The following CBR4 variants were observed in gnomAD, a reference collection of about 807,000 sequenced individuals.
The protein encoded by CBR4 is 3-oxoacyl-[acyl-carrier-protein] reductase.
In CBR4, 22 loss-of-function variants were observed where a neutral mutation model predicts 21.0. The ratio of observed to expected loss-of-function variants is 1.05; its 90% CI spans 0.75 to 1.50. The LOEUF is 1.50. Among genes scored for constraint, CBR4 ranks in the 40% most tolerant of loss-of-function variants. The pLI is 0.00. For synonymous variants in CBR4, 100 were observed against 104.4 expected (o/e 0.96, Z 0.26); for missense variants, 302 against 286.3 (o/e 1.05, Z -0.40).
At position 168,973,608 on chromosome 4, in the gene CBR4, G is replaced by A. The variant is rs143617098; in HGVS notation, n.169+28463C>T. ...CTCCCAAAGTGCTGGGATTACAGGC[G>A]TGAGCCACCACACCCAGCCCCAATT... is the stretch of plus-strand genomic sequence containing the variant. On this transcript the variant is annotated intron_variant and non_coding_transcript_variant, in intron 2 of 3. Transcript: ENST00000509108. 8.5e-3 allele frequency among the ~76,000 whole-genome samples: 1,302 copies of A among 152,316 alleles called. 9 individuals are homozygous for A. The highest frequency in any genetic ancestry group is 0.018 in the African/African-American group (766 of 41,560).
At chr4:168,925,543 C>CT in intron 2 of CBR4, 1 of 479,340 alleles carries the variant, frequency 2.1e-6, no homozygotes, top group Non-Finnish European at 3.8e-6. Flanking sequence ...TGGCTTAGTG[C>CT]TTTTCTCATT....
At chr4:168,896,244 C>T (rs560363340) in intron 2 of CBR4, among the ~76,000 whole-genome samples, 51 of 150,392 alleles carry the variant, frequency 3.4e-4, no homozygotes, top group African/African-American at 1.2e-3. Flanking sequence ...ATACACCTAA[C>T]CTACTGAACA....
chr4:168,930,301 A>G (rs576594581), intron 2 of CBR4, among the ~76,000 whole-genome samples: 1 of 152,344 alleles, frequency 6.6e-6, no homozygotes, highest in Non-Finnish European at 1.5e-5. Flanking sequence ...ATGGCACCAA[A>G]AAAATTAAGA....
chr4:169,007,442 C>T (rs897138611), intron 2 of CBR4, among the ~76,000 whole-genome samples, 194 bp downstream of exon 2: 2 of 152,040 alleles, frequency 1.3e-5, no homozygotes, highest in African/African-American at 2.4e-5. Context: ...ATGTTAAAAT[C>T]GACTCAACTG....
intron 2 of CBR4, among the ~76,000 whole-genome samples, chr4:168,923,715 G>A (rs1424432939): frequency 6.6e-6 from 1 of 152,170 alleles, no homozygotes; most frequent in South Asian, 2.1e-4. Flanking sequence ...ATTTAAAGCT[G>A]CCAAATTTAG....
intron 2 of CBR4, among the ~76,000 whole-genome samples, chr4:168,899,540 T>C (rs1410923456): frequency 6.6e-6 from 1 of 152,168 alleles, no homozygotes; most frequent in African/African-American, 2.4e-5. Context: ...GGTAATAATA[T>C]GTGAAGAAAT....
rs534370988 is a variant in CBR4, at chr4:168,966,822, T to C, written n.169+35249A>G. Among the ~76,000 whole-genome samples the C allele has an allele frequency of 3.4e-3, 512 of 152,114 alleles. 4 individuals carry two copies. The highest frequency in any genetic ancestry group is 0.01 in the African/African-American group (435 of 41,508). The stretch of plus-strand genomic sequence containing the variant: ...TCACAAGGTCAGGAGATCAAGACCA[T>C]CCTGGCTAACACGATGAAACCCAGT... On this transcript the variant is annotated intron_variant and non_coding_transcript_variant, in intron 2 of 3. Transcript: ENST00000509108.
chr4:168,981,281 C>T (rs1018955731), intron 2 of CBR4, among the ~76,000 whole-genome samples: 1 of 152,144 alleles, frequency 6.6e-6, no homozygotes, highest in East Asian at 1.9e-4. Flanking sequence ...TGCCTGTAAT[C>T]CCAGCTACTC....
intron 2 of CBR4, among the ~76,000 whole-genome samples, chr4:168,981,140 C>T (rs1186788477): frequency 6.6e-6 from 1 of 152,138 alleles, no homozygotes; most frequent in Non-Finnish European, 1.5e-5. Flanking sequence ...TGGCTCGCAC[C>T]TGTAATCCCA....
intron 2 of CBR4, among the ~76,000 whole-genome samples, chr4:168,944,627 G>A (rs1763353988): frequency 6.6e-6 from 1 of 152,234 alleles, no homozygotes; most frequent in South Asian, 2.1e-4. Flanking sequence ...AATGAATTTA[G>A]ACAATATATA....
intron 2 of CBR4, among the ~76,000 whole-genome samples, chr4:168,964,195 T>C (rs1261310760): frequency 2.0e-5 from 3 of 152,214 alleles, no homozygotes; most frequent in Non-Finnish European, 2.9e-5. Context: ...TACACTCCCC[T>C]TGCTTGTGTT....
At chr4:168,952,489 C>T (rs1243686115) in intron 2 of CBR4, among the ~76,000 whole-genome samples, 1 of 152,190 alleles carries the variant, frequency 6.6e-6, no homozygotes, top group East Asian at 1.9e-4. Context: ...TGTTAAAGAG[C>T]CCTGTTTTGT....
At chr4:169,003,862 G>A (rs568739301) in intron 3 of CBR4, among the ~76,000 whole-genome samples, 19 of 152,130 alleles carry the variant, frequency 1.2e-4, no homozygotes, top group East Asian at 5.8e-4. Context: ...ACCAAACACC[G>A]CATGTTCTCA....
intron 2 of CBR4, chr4:168,898,460 T>A: frequency 7.3e-7 from 1 of 1,370,064 alleles, no homozygotes; most frequent in Non-Finnish European, 1.0e-6. Flanking sequence ...CAGAAGGGAT[T>A]GAGTCTGCTA....
chr4:169,001,595 C>G (rs950292757), intron 4 of CBR4: 4 of 152,272 alleles, frequency 2.6e-5, no homozygotes, highest in African/African-American at 9.7e-5. Flanking sequence ...TCATGAATAG[C>G]TTGGTGCCCT....
intron 2 of CBR4, among the ~76,000 whole-genome samples, chr4:168,895,153 G>A (rs1754836217): frequency 6.6e-6 from 1 of 152,160 alleles, no homozygotes; most frequent in Non-Finnish European, 1.5e-5. Flanking sequence ...GGAGGCTGAG[G>A]TGGGTGGATC....
chr4:168,947,872 T>G (rs1490701531), intron 2 of CBR4, among the ~76,000 whole-genome samples: 1 of 152,210 alleles, frequency 6.6e-6, no homozygotes, highest in Non-Finnish European at 1.5e-5. Flanking sequence ...TAATGACTTC[T>G]TTTCCTCTGG....
chr4:168,898,617 T>C, intron 2 of CBR4: 1 of 1,613,978 alleles, frequency 6.2e-7, no homozygotes. Flanking sequence ...GAAAATGGAA[T>C]GGCACCATTC....
At chr4:168,918,045 TA>T (rs572860876) in intron 2 of CBR4, among the ~76,000 whole-genome samples, 1 of 151,868 alleles carries the variant, frequency 6.6e-6, no homozygotes, top group African/African-American at 2.4e-5. Flanking sequence ...CTAAAAATGC[TA>T]AAATTAGCCA....
Sources: allele counts gnomAD v4.1 joint callset (sites outside exome capture counted in the v4.1 genomes callset), GRCh38; gene constraint gnomAD v4.1.1; transcripts MANE v1.5; gene names NCBI Gene and HGNC (gene_info 2026-07-23, HGNC 2026-07-21).